SAP30BP: variants seen among roughly 807,000 people sequenced by gnomAD.
SAP30BP encodes SAP30 binding protein.
In SAP30BP, 31 loss-of-function variants were observed where a neutral mutation model predicts 46.3. That is an observed-to-expected ratio of 0.67 (90% CI 0.50 to 0.90). The LOEUF (loss-of-function observed/expected upper bound fraction) is 0.90. Ranked by LOEUF, SAP30BP falls within the 40% of genes least tolerant of loss-of-function variation. The pLI, the probability that SAP30BP is intolerant of heterozygous loss-of-function variation, is 0.00. For missense variants in SAP30BP, 312 were observed against 391.0 expected, an observed-to-expected ratio of 0.80 and a Z score of 1.70; for synonymous variants, 169 against 144.2, an observed-to-expected ratio of 1.17 and a Z score of -1.23.
At position 75,669,044 on chromosome 17, in the gene SAP30BP, G is replaced by A. The variant is rs535977406; in HGVS notation, c.216+419G>A. On this transcript the variant is annotated intron_variant, in intron 2 of 10. Transcript: ENST00000584667. ...TCTTCTCAGTTTATTAACAAGATAAGAAAGGAAAATTCGTTTTCACCTGCT... is the reference window on the plus strand; with the variant it reads ...TCTTCTCAGTTTATTAACAAGATAAAAAAGGAAAATTCGTTTTCACCTGCT... 8.0e-4 allele frequency among the ~76,000 whole-genome samples: 122 copies of A among 151,776 alleles called. 2 individuals are homozygous for A. In the South Asian group the frequency reaches 0.025, roughly 31 times the overall value.
chr17:75,693,460 G>A lies in SAP30BP; in HGVS notation c.285G>A (p.Lys95=), dbSNP rs1411939963. The A allele has an allele frequency of 6.8e-6, 11 of 1,614,078 alleles. No homozygotes were observed. Among genetic ancestry groups the A allele is most frequent in the Non-Finnish European group, 9.3e-6 (11 of 1,179,952 alleles). ...TGCAGGATAATACAGAAGCAGAAAA[G>A]CGAGACCCCCAGGAACTCGTGGGTG... ...DDPKDNTEAE[K]RDPQELVASF... is the part of the protein sequence containing the mutation. The change falls in exon 4 of 11, where the codon AAG becomes AAA. Residue 95 remains lysine, a synonymous_variant. Transcript: ENST00000584667.
At chr17:75,668,243 A>C (rs2059836626) in intron 1 of SAP30BP, 1 of 370,704 alleles carries the variant, frequency 2.7e-6, no homozygotes, top group Admixed American at 4.8e-5. Flanking sequence ...TTTCCTATAA[A>C]CACTTTAGTG....
At chr17:75,674,915 C>G (rs970508757) in intron 3 of SAP30BP, among the ~76,000 whole-genome samples, 2 of 151,690 alleles carry the variant, frequency 1.3e-5, no homozygotes, top group Non-Finnish European at 2.9e-5. Context: ...ATTGCCCCGG[C>G]TGGTCTTGAA....
In SAP30BP at chr17:75,706,931, G is replaced by A. The variant is rs1220479292; in HGVS notation, c.*410G>A. On this transcript the variant is annotated 3_prime_UTR_variant, in exon 11 of 11. Transcript: ENST00000584667. This position sits in a 1 kb window ranked among gnomAD's most constrained non-coding sequence, Gnocchi z 4.6. ...CAGAGGGGTGACCCAAGAAGTCACC[G>A]TTGTTATCCGTGTATGCCTCTGGGC... 2 of 196,318 alleles carry A rather than the reference G, an allele frequency of 1.0e-5. No homozygotes were observed. The highest frequency in any genetic ancestry group is 2.1e-5 in the Non-Finnish European group (2 of 94,322). The allele number at this position is 196,318 out of a possible 1,614,324, so 12.2% of individuals were successfully genotyped here. A position where few individuals can be genotyped will look rare whatever the true frequency, so the allele number is the denominator to read the frequency against.
intron 3 of SAP30BP, chr17:75,692,521 G>C (rs1314035079): frequency 1.0e-6 from 1 of 985,284 alleles, no homozygotes; most frequent in Non-Finnish European, 1.2e-6. Flanking sequence ...AGAAATGGGG[G>C]AAACAGGTGT....
At chr17:75,703,240 G>A (rs900800611) in intron 6 of SAP30BP, 71 bp from the exon 7 acceptor site, 2 of 1,431,350 alleles carry the variant, frequency 1.4e-6, no homozygotes, top group Non-Finnish European at 2.0e-6. Flanking sequence ...TCAGCCCCAG[G>A]AGCTGGATGG....
chr17:75,672,104 G>A (rs1451449530), intron 3 of SAP30BP: 11 of 506,580 alleles, frequency 2.2e-5, no homozygotes, highest in Non-Finnish European at 4.0e-5. Flanking sequence ...GACTAGAAAG[G>A]CGAGAGGCCT....
intron 3 of SAP30BP, among the ~76,000 whole-genome samples, chr17:75,690,078 T>A (rs2060219924): frequency 6.6e-6 from 1 of 152,214 alleles, no homozygotes; most frequent in Non-Finnish European, 1.5e-5. Flanking sequence ...CAATAATATA[T>A]CCATGTAACA....
At chr17:75,677,106 C>CTTTTT (rs35919373) in intron 3 of SAP30BP, among the ~76,000 whole-genome samples, 8 of 113,486 alleles carry the variant, frequency 7.0e-5, no homozygotes, top group Non-Finnish European at 1.2e-4. Context: ...TGGCAGAAAA[C>CTTTTT]TTTTTTTTTT....
intron 3 of SAP30BP, among the ~76,000 whole-genome samples, chr17:75,687,917 G>GGTGT (rs68006166): frequency 0.08 from 9,599 of 120,144 alleles, 360 homozygotes; most frequent in African/African-American, 0.1. Flanking sequence ...CAGTGTTTGG[G>GGTGT]GTGTGTGTGT....
rs2060502676 is a variant in SAP30BP at position 75,706,715 on chromosome 17, C to T, written c.*194C>T. On this transcript the variant is annotated 3_prime_UTR_variant, in exon 11 of 11. Transcript: ENST00000584667. This position sits in a 1 kb window ranked among gnomAD's most constrained non-coding sequence, Gnocchi z 4.6. ...GCGCTGTGGACAGGGTCTGTCCACG[C>T]ACCACCTGGGGTCTGCCGCCTATTA... 1.7e-6 allele frequency: 1 copy of T among 597,992 alleles called. No homozygotes were observed. Among genetic ancestry groups the T allele is most frequent in the Non-Finnish European group, 3.0e-6 (1 of 337,546 alleles). The allele number at this position is 597,992 out of a possible 1,614,324, so 37.0% of individuals were successfully genotyped here. A position where few individuals can be genotyped will look rare whatever the true frequency, so the allele number is the denominator to read the frequency against.
chr17:75,670,174 T>A (rs1191796457), intron 2 of SAP30BP, among the ~76,000 whole-genome samples: 1 of 151,944 alleles, frequency 6.6e-6, no homozygotes, highest in African/African-American at 2.4e-5. Flanking sequence ...ATACAATAAT[T>A]AGCAGGGCAT....
rs1436771815 is a variant in SAP30BP at position 75,707,338 on chromosome 17, C to T, written c.*817C>T. ...GCTCCTGGGAGGGCTCCTGCCACCC[C>T]ACCCTTCCTCTGTGTGTTATCTCTG... On this transcript the variant is annotated 3_prime_UTR_variant, in exon 11 of 11. Coordinates refer to ENST00000584667, the MANE Select transcript of SAP30BP (RefSeq NM_013260.8). 3.3e-5 allele frequency: 5 copies of T among 152,704 alleles called. No individual in the cohort carries two copies. The highest frequency in any genetic ancestry group is 1.2e-4 in the African/African-American group (5 of 41,468). 9.5% of individuals were successfully genotyped at this position (152,704 alleles called of 1,614,324 possible).
intron 3 of SAP30BP, among the ~76,000 whole-genome samples, chr17:75,683,219 T>C (rs1434218088): frequency 6.7e-6 from 1 of 150,018 alleles, no homozygotes; most frequent in South Asian, 2.1e-4. Context: ...AATTTTTGTA[T>C]TTTTTTTAGT....
intron 3 of SAP30BP, among the ~76,000 whole-genome samples, chr17:75,685,148 G>A (rs965471667): frequency 1.9e-4 from 29 of 152,260 alleles, no homozygotes; most frequent in Admixed American, 1.4e-3. Context: ...CCCATCAGCC[G>A]TGCAAGCCCC....
chr17:75,675,821 G>A (rs983734792), intron 3 of SAP30BP, among the ~76,000 whole-genome samples: 2 of 152,164 alleles, frequency 1.3e-5, no homozygotes, highest in Non-Finnish European at 2.9e-5. Context: ...AGAGGCTGAG[G>A]TGGGAGAATC....
chr17:75,682,500 G>A (rs1021768529), intron 3 of SAP30BP, among the ~76,000 whole-genome samples: 1 of 151,598 alleles, frequency 6.6e-6, no homozygotes, highest in Admixed American at 6.6e-5. Context: ...CACTGCACCC[G>A]GCCTCATACA....
intron 3 of SAP30BP, among the ~76,000 whole-genome samples, chr17:75,673,556 C>T (rs1332896389): frequency 6.6e-6 from 1 of 152,120 alleles, no homozygotes; most frequent in Non-Finnish European, 1.5e-5. Context: ...ACAGTTGCAG[C>T]CTTTTCTTAG....
At chr17:75,693,568 C>A in intron 4 of SAP30BP, 86 bp downstream of exon 4, 1 of 1,282,298 alleles carries the variant, frequency 7.8e-7, no homozygotes, top group Non-Finnish European at 1.1e-6. Context: ...TGCCGCCCCA[C>A]AGGGCTTCTG....
Sources: gnomAD v4.1 joint callset for allele counts (sites outside exome capture counted in the v4.1 genomes callset) on GRCh38, gnomAD v4.1.1 for gene constraint, Gnocchi (gnomAD v3.1) non-coding constraint, MANE v1.5 for transcripts, NCBI Gene and HGNC (gene_info 2026-07-23, HGNC 2026-07-21) for gene names.